Variants in SRD5A1 observed in about 807,000 individuals in gnomAD.
SRD5A1 encodes the protein steroid 5 alpha-reductase 1, also known as 3-oxo-5-alpha-steroid 4-dehydrogenase 1.
Under a neutral mutation model 28.2 loss-of-function variants are expected in SRD5A1, and 22 were observed. The observed-to-expected ratio is 0.78, with a 90% CI of 0.56 to 1.12. The LOEUF (loss-of-function observed/expected upper bound fraction) is 1.12, where lower values mean the gene tolerates loss of function less well. Ranked by LOEUF, SRD5A1 falls within the 50% of genes most tolerant of loss-of-function variation. The pLI, the probability that SRD5A1 is intolerant of heterozygous loss-of-function variation, is 0.00. For synonymous variants in SRD5A1, 151 were observed against 135.0 expected, an observed-to-expected ratio of 1.12 and a Z score of -0.82; for missense variants, 300 against 346.7, an observed-to-expected ratio of 0.87 and a Z score of 1.07.
chr5:6,640,622 C>T (rs1263078175), intron 1 of SRD5A1, among the ~76,000 whole-genome samples: 1 of 151,942 alleles, frequency 6.6e-6, no homozygotes, highest in African/African-American at 2.4e-5. Flanking sequence ...CTTCCTTGGC[C>T]TCCCAAAGTG....
intron 4 of SRD5A1, among the ~76,000 whole-genome samples, chr5:6,666,845 A>G (rs1482671765): frequency 6.6e-6 from 1 of 151,772 alleles, no homozygotes; most frequent in East Asian, 1.9e-4. Flanking sequence ...TGTGTTTCCC[A>G]TCTCCCACCT....
intron 3 of SRD5A1, among the ~76,000 whole-genome samples, chr5:6,660,350 C>A (rs898197034): frequency 1.3e-5 from 2 of 152,248 alleles, no homozygotes; most frequent in African/African-American, 4.8e-5. Flanking sequence ...GTTCACTGAG[C>A]AGGCGGCATG....
chr5:6,643,766 A>G (rs540298130), intron 1 of SRD5A1, among the ~76,000 whole-genome samples: 1 of 151,902 alleles, frequency 6.6e-6, no homozygotes, highest in South Asian at 2.1e-4. Flanking sequence ...TTCACTAACC[A>G]ATGAGCCGCC....
chr5:6,664,067 A>G (rs1739090199), intron 4 of SRD5A1, among the ~76,000 whole-genome samples: 1 of 152,120 alleles, frequency 6.6e-6, no homozygotes, highest in Non-Finnish European at 1.5e-5. Context: ...TGTCCCTGAC[A>G]ATAAATGATG....
intron 1 of SRD5A1, chr5:6,644,876 T>G (rs555509511): frequency 2.2e-6 from 1 of 456,142 alleles, no homozygotes; most frequent in South Asian, 1.5e-5. Context: ...ACCCATTGTC[T>G]GCCCGGATCT....
Position 6,633,671 on chromosome 5 carries a change from G to C in SRD5A1, c.95G>C (p.Arg32Pro), listed in dbSNP as rs1284966445. The C allele has an allele frequency of 1.3e-6, 2 of 1,583,992 alleles. No homozygotes were observed. The highest frequency in any genetic ancestry group is 1.1e-5 in the South Asian group (1 of 89,856). Residue 32 changes from arginine (R) to proline (P), a missense_variant, in exon 1 of 5, where the codon CGT becomes CCT. Coordinates refer to ENST00000274192, the MANE Select transcript of SRD5A1 (RefSeq NM_001047.4). ...AVGCAVFARN[R>P]QTNSVYGRHA... ...GGCTGCGCGGTCTTCGCGCGCAATC[G>C]TCAGACGAACTCAGTGTACGGCCGC...
At chr5:6,651,015 T>G (rs1269453353) in intron 1 of SRD5A1, among the ~76,000 whole-genome samples, 3 of 152,132 alleles carry the variant, frequency 2.0e-5, no homozygotes, top group Non-Finnish European at 4.4e-5. Flanking sequence ...TTTACCACTC[T>G]GAGTCTTAAT....
chr5:6,652,873 C>CAAAAAA (rs11343625), intron 2 of SRD5A1, among the ~76,000 whole-genome samples: 1 of 95,142 alleles, frequency 1.1e-5, no homozygotes, highest in South Asian at 3.6e-4. Flanking sequence ...GACTCTGTCT[C>CAAAAAA]AAAAAAAAAA....
chr5:6,656,063 A>G lies in SRD5A1; in HGVS notation c.461-15A>G, dbSNP rs1355211457. 5.6e-6 allele frequency: 9 copies of G among 1,608,538 alleles called. No individual in the cohort carries two copies. The highest frequency in any genetic ancestry group is 1.7e-5 in the Admixed American group (1 of 59,828). Reference sequence around the variant, plus strand: ...GTTTATTAGCCATAATCATCTTGCAATTTTTTTCCTTTAGGTTTTGGCTTG... The same window carrying G: ...GTTTATTAGCCATAATCATCTTGCAGTTTTTTTCCTTTAGGTTTTGGCTTG... On this transcript the variant is annotated splice_polypyrimidine_tract_variant and intron_variant, in intron 2 of 4. Coordinates refer to ENST00000274192, the MANE Select transcript of SRD5A1 (RefSeq NM_001047.4).
At position 6,670,282 on chromosome 5, in the gene SRD5A1, G is replaced by A. The variant is rs1392726453; in HGVS notation, c.*2014G>A. ...GCCCCATAATGGCTGGTTACCTCCT[G>A]CCTCAAGCTGCAGGGAAGCCAGGGG... On this transcript the variant is annotated 3_prime_UTR_variant, in exon 5 of 5. Transcript: ENST00000274192. 1 of 152,244 alleles carries A rather than the reference G, an allele frequency of 6.6e-6. No homozygotes were observed. The highest frequency in any genetic ancestry group is 1.5e-5 in the Non-Finnish European group (1 of 68,080). 9.4% of individuals were successfully genotyped at this position (152,244 alleles called of 1,614,324 possible).
At chr5:6,657,442 A>T (rs1181718318) in intron 3 of SRD5A1, among the ~76,000 whole-genome samples, 2 of 152,228 alleles carry the variant, frequency 1.3e-5, no homozygotes, top group Non-Finnish European at 2.9e-5. Context: ...CTGGGAGAGC[A>T]CAGTGTAAGC....
intron 2 of SRD5A1, 22 bp downstream of exon 2, chr5:6,652,030 C>G: frequency 6.2e-7 from 1 of 1,605,112 alleles, no homozygotes; most frequent in Non-Finnish European, 8.5e-7. Context: ...CAGCAGTGAA[C>G]TCCGCCTTGT....
At chr5:6,659,327 A>G (rs1181812037) in intron 3 of SRD5A1, among the ~76,000 whole-genome samples, 5 of 151,768 alleles carry the variant, frequency 3.3e-5, no homozygotes, top group South Asian at 4.2e-4. Context: ...GTTAGCCAGG[A>G]TGGTCTCGAT....
chr5:6,672,808 T>A lies in SRD5A1; in HGVS notation c.*4540T>A, dbSNP rs937741122. 1 of 152,254 alleles carries A rather than the reference T, an allele frequency of 6.6e-6. No homozygotes were observed. Among genetic ancestry groups the A allele is most frequent in the African/African-American group, 2.4e-5 (1 of 41,464 alleles). 9.4% of individuals were successfully genotyped at this position (152,254 alleles called of 1,614,324 possible). On this transcript the variant is annotated 3_prime_UTR_variant, in exon 5 of 5. Coordinates refer to ENST00000274192, the MANE Select transcript of SRD5A1 (RefSeq NM_001047.4). Reference sequence around the variant, plus strand: ...GCAAGTACAGACCCTATGTTTAACTTCTTTTATTCAACAGAATTAAAAAAC... The same window carrying A: ...GCAAGTACAGACCCTATGTTTAACTACTTTTATTCAACAGAATTAAAAAAC...
Position 6,633,511 on chromosome 5 carries a change from C to T in SRD5A1, c.-66C>T. On this transcript the variant is annotated 5_prime_UTR_variant, in exon 1 of 5. Transcript: ENST00000274192. ...CCGGTAGCCGCCCCTCCTGCCCCCG[C>T]GCCGCCGCCCTATATGTTGCCCGCC... 1 of 1,389,002 alleles carries T rather than the reference C, an allele frequency of 7.2e-7. No homozygotes were observed. The allele number at this position is 1,389,002 out of a possible 1,614,324, so 86.0% of individuals were successfully genotyped here. A position where few individuals can be genotyped will look rare whatever the true frequency, so the allele number is the denominator to read the frequency against.
chr5:6,673,513 G>T lies in SRD5A1; in HGVS notation c.*5245G>T, dbSNP rs927283767. On this transcript the variant is annotated 3_prime_UTR_variant, in exon 5 of 5. Transcript: ENST00000274192. ...GCAAAGTGGTGGAGCCACTTGGGAA[G>T]ACAGTCTGGCAGATTCCTAAAAAGG... 8 of 152,348 alleles carry T rather than the reference G, an allele frequency of 5.3e-5. No homozygotes were observed. Among genetic ancestry groups the T allele is most frequent in the African/African-American group, 1.7e-4 (7 of 41,572 alleles). 9.4% of individuals were successfully genotyped at this position (152,348 alleles called of 1,614,324 possible).
chr5:6,650,828 G>A (rs1279777180), intron 1 of SRD5A1, among the ~76,000 whole-genome samples: 3 of 133,138 alleles, frequency 2.3e-5, no homozygotes, highest in Non-Finnish European at 4.6e-5. Context: ...AGAGTGTGAT[G>A]TTCCCCTTCC....
chr5:6,633,531 C>G lies in SRD5A1; in HGVS notation c.-46C>G. On this transcript the variant is annotated 5_prime_UTR_variant, in exon 1 of 5. Transcript: ENST00000274192. ...CCCCGCGCCGCCGCCCTATATGTTG[C>G]CCGCCGCGGCCTCTGGGGCATGGAG... The G allele has an allele frequency of 7.0e-7, 1 of 1,427,282 alleles. No individual in the cohort carries two copies. 88.4% of individuals were successfully genotyped at this position (1,427,282 alleles called of 1,614,324 possible). A position where few individuals can be genotyped will look rare whatever the true frequency, so the allele number is the denominator to read the frequency against.
At chr5:6,656,443 T>C (rs548931907) in intron 3 of SRD5A1, among the ~76,000 whole-genome samples, 31 of 152,358 alleles carry the variant, frequency 2.0e-4, no homozygotes, top group Non-Finnish European at 8.8e-5. Flanking sequence ...AGGAAGAATT[T>C]ATGATTGACG....
Sources: gnomAD v4.1 joint callset for allele counts (sites outside exome capture counted in the v4.1 genomes callset) on GRCh38, gnomAD v4.1.1 for gene constraint, MANE v1.5 for transcripts, NCBI Gene and HGNC (gene_info 2026-07-23, HGNC 2026-07-21) for gene names.